FNDC3A: variants seen among roughly 807,000 people sequenced by gnomAD.
FNDC3A encodes the protein fibronectin type-III domain-containing protein 3A.
In FNDC3A, 32 loss-of-function variants were observed where a neutral mutation model predicts 148.9. That is an observed-to-expected ratio of 0.21 (90% confidence interval 0.16 to 0.29). The LOEUF is 0.29. FNDC3A is among the 10% of genes least tolerant of loss of function. The pLI is 1.00. For missense variants in FNDC3A, 1,191 were observed against 1,452.8 expected (o/e 0.82, Z 2.93); for synonymous variants, 472 against 473.6 (o/e 1.00, Z 0.04).
intron 2 of FNDC3A, among the ~76,000 whole-genome samples, chr13:49,025,243 CATT>C (rs1873616415): frequency 6.6e-6 from 1 of 151,936 alleles, no homozygotes; most frequent in African/African-American, 2.4e-5. Flanking sequence ...TGGTTTATAA[CATT>C]ATAAACCAAT....
intron 2 of FNDC3A, among the ~76,000 whole-genome samples, chr13:49,047,060 C>G (rs1875471894): frequency 6.6e-6 from 1 of 151,808 alleles, no homozygotes; most frequent in Non-Finnish European, 1.5e-5. Flanking sequence ...TGCCTTAAAC[C>G]AAACATATGT....
At chr13:49,132,844 T>A (rs1293643949) in intron 5 of FNDC3A, among the ~76,000 whole-genome samples, 1 of 152,228 alleles carries the variant, frequency 6.6e-6, no homozygotes, top group African/African-American at 2.4e-5. Flanking sequence ...TCTCTAGCAC[T>A]GAACTTTGTA....
At chr13:48,995,620 T>C (rs1355542511) in intron 1 of FNDC3A, among the ~76,000 whole-genome samples, 1 of 152,168 alleles carries the variant, frequency 6.6e-6, no homozygotes, top group African/African-American at 2.4e-5. Context: ...TATTATGTCT[T>C]CATAAAATTT....
At chr13:49,046,119 T>A (rs1212284566) in intron 2 of FNDC3A, 2 of 158,636 alleles carry the variant, frequency 1.3e-5, no homozygotes, top group Non-Finnish European at 2.8e-5. Flanking sequence ...TCGGGCAGTC[T>A]GCACATTCTT....
chr13:49,111,040 G>A (rs1228056274), intron 3 of FNDC3A, among the ~76,000 whole-genome samples: 2 of 152,170 alleles, frequency 1.3e-5, no homozygotes. Context: ...GCTGCTAAGT[G>A]TATGCACAGT....
intron 2 of FNDC3A, among the ~76,000 whole-genome samples, chr13:49,038,466 A>G (rs1874670974): frequency 1.3e-5 from 2 of 151,784 alleles, no homozygotes; most frequent in African/African-American, 2.4e-5. Context: ...GAGGGAAGAC[A>G]CGGGGAGAAG....
intron 1 of FNDC3A, among the ~76,000 whole-genome samples, chr13:48,999,796 A>G (rs1470247983): frequency 2.0e-5 from 3 of 152,226 alleles, no homozygotes; most frequent in African/African-American, 7.2e-5. Context: ...AGTAAGAGAC[A>G]CAGAGCATCC....
chr13:49,135,955 A>C (rs1174192925), intron 5 of FNDC3A, among the ~76,000 whole-genome samples: 3 of 152,148 alleles, frequency 2.0e-5, no homozygotes. Flanking sequence ...AAGGTTCAAA[A>C]AGATGTGAAA....
At chr13:49,184,988 G>A (rs565685884) in intron 14 of FNDC3A, among the ~76,000 whole-genome samples, 1 of 151,882 alleles carries the variant, frequency 6.6e-6, no homozygotes, top group South Asian at 2.1e-4. Flanking sequence ...TGAGGGGAGC[G>A]TCAGCAGTAC....
intron 1 of FNDC3A, 126 bp from the exon 2 acceptor site, chr13:49,006,026 A>G: frequency 2.3e-6 from 1 of 432,448 alleles, no homozygotes; most frequent in Non-Finnish European, 4.1e-6. Flanking sequence ...CAGTCAACAG[A>G]GTATTCTAGA....
At chr13:49,058,433 ACTT>A (rs771227019) in intron 2 of FNDC3A, among the ~76,000 whole-genome samples, 19 of 151,940 alleles carry the variant, frequency 1.3e-4, no homozygotes, top group Non-Finnish European at 2.8e-4. Flanking sequence ...TTTAGTTTTT[ACTT>A]CTTTCTTTGG....
rs368896766 is a variant in FNDC3A at position 49,198,007 on chromosome 13, C to T, written c.2516C>T (p.Pro839Leu). The T allele has an allele frequency of 3.5e-5, 56 of 1,613,940 alleles. No individual in the cohort carries two copies. Among genetic ancestry groups the T allele is most frequent in the Middle Eastern group, 1.6e-4 (1 of 6,084 alleles). Residue 839 changes from proline to leucine, a missense_variant, in exon 22 of 26, where the codon CCT (proline) becomes CTT (leucine). By Grantham distance (98) the Pro-to-Leu change is moderately conservative. Coordinates refer to ENST00000492622, the MANE Select transcript of FNDC3A (RefSeq NM_001079673.2). ...VQALSVVGAG[P>L]FSEVVACVTP... Reference sequence around the variant, plus strand: ...GCTCTGAGTGTTGTGGGTGCAGGCCCTTTCAGTGAAGTAGTAGCCTGTGTG... The same window carrying T: ...GCTCTGAGTGTTGTGGGTGCAGGCCTTTTCAGTGAAGTAGTAGCCTGTGTG...
chr13:48,986,097 G>C (rs534103891), intron 1 of FNDC3A, among the ~76,000 whole-genome samples: 1 of 152,100 alleles, frequency 6.6e-6, no homozygotes, highest in South Asian at 2.1e-4. Context: ...TGTTAAAGTG[G>C]GTTAAAGAAG....
chr13:49,070,882 T>TC (rs138000964), intron 2 of FNDC3A, among the ~76,000 whole-genome samples: 1 of 5,506 alleles, frequency 1.8e-4, no homozygotes, highest in African/African-American at 1.7e-3. Context: ...ACAGGATTTC[T>TC]TTTTTTTTTT....
rs1209213011 is a variant in FNDC3A at position 49,040,207 on chromosome 13, T to C, written c.99+33918T>C. On this transcript the variant is annotated intron_variant, in intron 2 of 25. Transcript: ENST00000492622. ...TGTTTATCTGTTATTCAAGAAGTAA[T>C]GTAATTATTAGTAGTACTGAATAAG... 4.6e-5 allele frequency among the ~76,000 whole-genome samples: 7 copies of C among 152,236 alleles called. No homozygotes were observed. In the East Asian group the frequency reaches 7.7e-4, roughly 17 times the overall value.
rs530686452 is a variant in FNDC3A at position 49,055,645 on chromosome 13, A to T, written c.100-19644A>T. ...TCTGTTGATAATAGCTCTTTCAACCAATTGCCAATCAGAATATTTTTAAAT... is the reference window on the plus strand; with the variant it reads ...TCTGTTGATAATAGCTCTTTCAACCTATTGCCAATCAGAATATTTTTAAAT... On this transcript the variant is annotated intron_variant, in intron 2 of 25. Coordinates refer to ENST00000492622, the MANE Select transcript of FNDC3A (RefSeq NM_001079673.2). Among the ~76,000 whole-genome samples the T allele has an allele frequency of 2.6e-5, 4 of 152,290 alleles. No homozygotes were observed. The East Asian group carries it at 7.7e-4, about 29-fold the overall frequency.
At chr13:49,163,491 G>C (rs1451159654) in intron 8 of FNDC3A, among the ~76,000 whole-genome samples, 1 of 152,184 alleles carries the variant, frequency 6.6e-6, no homozygotes, top group East Asian at 1.9e-4. Context: ...CATTGGAAAA[G>C]CACAGTATTA....
At chr13:49,100,830 T>C (rs905684679) in intron 3 of FNDC3A, among the ~76,000 whole-genome samples, 1 of 152,162 alleles carries the variant, frequency 6.6e-6, no homozygotes, top group Non-Finnish European at 1.5e-5. Flanking sequence ...CTGGTTAATA[T>C]CTAACCTCCT....
chr13:49,084,946 CTCTA>C (rs1239281377), intron 3 of FNDC3A, among the ~76,000 whole-genome samples: 1 of 152,124 alleles, frequency 6.6e-6, no homozygotes, highest in African/African-American at 2.4e-5. Context: ...TTGTCAACTC[CTCTA>C]TCTGACTTTT....
Sources: allele counts gnomAD v4.1 joint callset (sites outside exome capture counted in the v4.1 genomes callset), GRCh38; gene constraint gnomAD v4.1.1; transcripts MANE v1.5; gene names NCBI Gene and HGNC (gene_info 2026-07-23, HGNC 2026-07-21).